RCL1: variants seen among roughly 807,000 people sequenced by gnomAD.
The protein encoded by RCL1 is RNA terminal phosphate cyclase like 1.
Under a neutral mutation model 42.4 loss-of-function variants are expected in RCL1, and 24 were observed. The ratio of observed to expected loss-of-function variants is 0.57; its 90% CI spans 0.41 to 0.80. RCL1 has a LOEUF of 0.80. Among genes scored for constraint, RCL1 ranks in the 30% least tolerant of loss-of-function variants. The pLI is 0.00. For missense variants in RCL1, 578 were observed against 467.9 expected, an observed-to-expected ratio of 1.24 and a Z score of -2.17; for synonymous variants, 228 against 177.3, an observed-to-expected ratio of 1.29 and a Z score of -2.27.
intron 5 of RCL1, among the ~76,000 whole-genome samples, chr9:4,836,089 C>T (rs1458398467): frequency 6.6e-6 from 1 of 152,058 alleles, no homozygotes; most frequent in Non-Finnish European, 1.5e-5. Flanking sequence ...GATGTGCCTT[C>T]ACAGGGGAGC....
intron 7 of RCL1, among the ~76,000 whole-genome samples, chr9:4,845,796 G>A (rs150381828): frequency 1.1e-3 from 174 of 152,320 alleles, no homozygotes; most frequent in African/African-American, 4.0e-3. Flanking sequence ...ATTTGCTGTT[G>A]TATGGTGTAT....
In RCL1 at chr9:4,849,506, G is replaced by A. The variant is rs755719088; in HGVS notation, c.927G>A (p.Gln309=). 8.8e-5 allele frequency: 142 copies of A among 1,614,044 alleles called. 1 individual carries two copies. The highest frequency in any genetic ancestry group is 1.3e-4 in the East Asian group (6 of 44,870). The change falls in exon 8 of 9, where the codon CAG becomes CAA. Residue 309 remains glutamine (Q), a synonymous_variant. Transcript: ENST00000381750. ...CGCTACTACTCATGACCCTTGGACAGCAGGATGTTTCCAAAGTCCTGCTAG... is the reference window on the plus strand; with the variant it reads ...CGCTACTACTCATGACCCTTGGACAACAGGATGTTTCCAAAGTCCTGCTAG... The part of the protein sequence containing the change: ...SLALLLMTLG[Q]QDVSKVLLGP...
intron 8 of RCL1, among the ~76,000 whole-genome samples, chr9:4,852,532 C>A (rs1027520681): frequency 9.2e-5 from 14 of 152,182 alleles, no homozygotes; most frequent in Non-Finnish European, 2.1e-4. Context: ...TAAGGCTCTA[C>A]CACGCGCTAC....
intron 8 of RCL1, among the ~76,000 whole-genome samples, chr9:4,851,503 G>T (rs1326880947): frequency 6.6e-6 from 1 of 152,240 alleles, no homozygotes; most frequent in African/African-American, 2.4e-5. Flanking sequence ...AAGGGCAAAG[G>T]CAGGATGCAG....
chr9:4,792,951 G>T lies in RCL1; in HGVS notation c.-141G>T. On this transcript the variant is annotated 5_prime_UTR_variant, in exon 1 of 9. Transcript: ENST00000381750. ...TCTCCGTCTTCCTGTTCCAAACCACGTGGACGCGTCTGGGCTGCTGGAGGC... is the reference window on the plus strand; with the variant it reads ...TCTCCGTCTTCCTGTTCCAAACCACTTGGACGCGTCTGGGCTGCTGGAGGC... 1.2e-6 allele frequency: 1 copy of T among 840,972 alleles called. No individual in the cohort carries two copies. The highest frequency in any genetic ancestry group is 1.8e-6 in the Non-Finnish European group (1 of 570,254). 52.1% of individuals were successfully genotyped at this position (840,972 alleles called of 1,614,324 possible).
chr9:4,805,730 G>A (rs537417006), intron 1 of RCL1, among the ~76,000 whole-genome samples: 32 of 152,204 alleles, frequency 2.1e-4, no homozygotes, highest in African/African-American at 7.7e-4. Flanking sequence ...GGATGGAGGA[G>A]GGGTGAGAAG....
chr9:4,813,515 G>A (rs1489517084), intron 1 of RCL1, among the ~76,000 whole-genome samples: 1 of 152,142 alleles, frequency 6.6e-6, no homozygotes, highest in Non-Finnish European at 1.5e-5. Flanking sequence ...TTAGAATGGC[G>A]ATCCTTAAAA....
chr9:4,793,397 G>A (rs1563822686), intron 1 of RCL1, among the ~76,000 whole-genome samples, 170 bp downstream of exon 1: 1 of 152,106 alleles, frequency 6.6e-6, no homozygotes, highest in Non-Finnish European at 1.5e-5. Context: ...CACAGTGGGG[G>A]AGGCGGGGTC....
At chr9:4,830,112 A>T (rs1293746630) in intron 3 of RCL1, among the ~76,000 whole-genome samples, 1 of 152,230 alleles carries the variant, frequency 6.6e-6, no homozygotes, top group Non-Finnish European at 1.5e-5. Context: ...GAAGTCAGGG[A>T]TAATCCACAG....
intron 8 of RCL1, among the ~76,000 whole-genome samples, chr9:4,856,898 C>T (rs1045642966): frequency 6.6e-6 from 1 of 152,180 alleles, no homozygotes; most frequent in Non-Finnish European, 1.5e-5. Flanking sequence ...TTCAGGCCCC[C>T]TTTTCTCCAT....
chr9:4,843,442 A>C (rs796781025), intron 6 of RCL1, among the ~76,000 whole-genome samples: 6 of 151,986 alleles, frequency 3.9e-5, no homozygotes, highest in Non-Finnish European at 7.4e-5. Flanking sequence ...TGCAAACTAT[A>C]CCAGTGCATA....
At chr9:4,857,037 A>G (rs925648982) in intron 8 of RCL1, among the ~76,000 whole-genome samples, 1 of 152,254 alleles carries the variant, frequency 6.6e-6, no homozygotes, top group Non-Finnish European at 1.5e-5. Flanking sequence ...AACCAGGATC[A>G]GTTGTTTTAT....
intron 3 of RCL1, among the ~76,000 whole-genome samples, chr9:4,830,817 A>T (rs1587716079): frequency 6.6e-6 from 1 of 152,000 alleles, no homozygotes; most frequent in East Asian, 1.9e-4. Flanking sequence ...GCATAGATTG[A>T]TTACATTTTT....
chr9:4,816,961 C>T (rs1397252547), intron 1 of RCL1, among the ~76,000 whole-genome samples: 1 of 152,172 alleles, frequency 6.6e-6, no homozygotes, highest in Non-Finnish European at 1.5e-5. Flanking sequence ...GGACTACAGG[C>T]ACTTGCCACC....
chr9:4,824,053 C>T (rs530481967), intron 2 of RCL1, among the ~76,000 whole-genome samples: 1 of 152,136 alleles, frequency 6.6e-6, no homozygotes, highest in Non-Finnish European at 1.5e-5. Flanking sequence ...AGCAAAGTCT[C>T]TCCTCTTTTT....
At chr9:4,837,336 G>A (rs1817173447) in intron 5 of RCL1, among the ~76,000 whole-genome samples, 1 of 151,902 alleles carries the variant, frequency 6.6e-6, no homozygotes. Flanking sequence ...AACATTTTTG[G>A]CAATGGTGAA....
chr9:4,814,042 G>T (rs931869273), intron 1 of RCL1, among the ~76,000 whole-genome samples: 5 of 152,094 alleles, frequency 3.3e-5, no homozygotes, highest in African/African-American at 4.8e-5. Context: ...CTGTCATGGG[G>T]TGGGGGGAAT....
chr9:4,818,337 C>G (rs1313697547), intron 1 of RCL1, among the ~76,000 whole-genome samples: 2 of 151,198 alleles, frequency 1.3e-5, no homozygotes, highest in African/African-American at 4.9e-5. Flanking sequence ...TTTTTCTTGA[C>G]CTCAGTATAA....
intron 1 of RCL1, among the ~76,000 whole-genome samples, chr9:4,800,500 C>G (rs1286479534): frequency 2.6e-5 from 4 of 152,076 alleles, no homozygotes; most frequent in Non-Finnish European, 5.9e-5. Context: ...CAGGTGTGCA[C>G]CACCATGCCC....
Sources: allele counts gnomAD v4.1 joint callset (sites outside exome capture counted in the v4.1 genomes callset), GRCh38; gene constraint gnomAD v4.1.1; transcripts MANE v1.5; gene names NCBI Gene and HGNC (gene_info 2026-07-23, HGNC 2026-07-21).